The following COPZ1 variants were observed in gnomAD, a reference collection of about 807,000 sequenced individuals.
COPZ1 encodes the protein coat protein complex I subunit zeta 1.
A neutral mutation model predicts 31.7 loss-of-function variants in COPZ1; 4 were observed. The ratio of observed to expected loss-of-function variants is 0.13; its 90% CI spans 0.06 to 0.29. The LOEUF is 0.29. Ranked by LOEUF, COPZ1 falls within the 10% of genes least tolerant of loss-of-function variation. The probability of loss-of-function intolerance (pLI) is 1.00; values close to 1 mark genes in which losing one functional copy is unlikely to be tolerated. For synonymous variants in COPZ1, 74 were observed against 79.0 expected (o/e 0.94, Z 0.33); for missense variants, 156 against 211.5 (o/e 0.74, Z 1.63).
chr12:54,325,163 G>A lies in COPZ1; in HGVS notation c.-1G>A. 6.4e-7 allele frequency: 1 copy of A among 1,563,016 alleles called. No individual in the cohort carries two copies. Among genetic ancestry groups the A allele is most frequent in the Non-Finnish European group, 8.7e-7 (1 of 1,154,036 alleles). Reference sequence around the variant, plus strand: ...CACGTCGGCACCAGCTGCGGGGCAAGATGGAGGCGCTGATTTTGGTAGGAG... The same window carrying A: ...CACGTCGGCACCAGCTGCGGGGCAAAATGGAGGCGCTGATTTTGGTAGGAG... On this transcript the variant is annotated 5_prime_UTR_variant, in exon 1 of 9. Coordinates refer to ENST00000262061, the MANE Select transcript of COPZ1 (RefSeq NM_016057.3).
intron 7 of COPZ1, among the ~76,000 whole-genome samples, chr12:54,348,863 G>T (rs1954104380): frequency 6.6e-6 from 1 of 152,146 alleles, no homozygotes; most frequent in African/African-American, 2.4e-5. Context: ...TCAGAAAGGG[G>T]CCTCTGAGTT....
chr12:54,334,418 CA>C (rs904686721), intron 1 of COPZ1, among the ~76,000 whole-genome samples: 66 of 145,724 alleles, frequency 4.5e-4, no homozygotes, highest in Middle Eastern at 7.1e-3. Flanking sequence ...AACACTGTCT[CA>C]AAAAAAAAAA....
Position 54,326,961 on chromosome 12 carries a change from C to CTTTTTTTTTTTTT in COPZ1, c.18+1805_18+1817dup, listed in dbSNP as rs60827109. 5.5e-4 allele frequency among the ~76,000 whole-genome samples: 24 copies of CTTTTTTTTTTTTT among 43,566 alleles called. 9 individuals are homozygous for CTTTTTTTTTTTTT. Among genetic ancestry groups the CTTTTTTTTTTTTT allele is most frequent in the Non-Finnish European group, 1.0e-3 (23 of 22,526 alleles). The allele number at this position is 43,566 out of a possible 152,430, so 28.6% of individuals were successfully genotyped here. A position where few individuals can be genotyped will look rare whatever the true frequency, so the allele number is the denominator to read the frequency against. ...CTGTACCAAGCAGTTAACAAGTATT[C>CTTTTTTTTTTTTT]TTTTTTTTTTTTTTTTTTTTTTTTT... On this transcript the variant is annotated intron_variant, in intron 1 of 8. Transcript: ENST00000262061.
intron 2 of COPZ1, 27 bp from the exon 3 acceptor site, chr12:54,342,179 A>G: frequency 6.4e-7 from 1 of 1,569,172 alleles, no homozygotes; most frequent in South Asian, 1.1e-5. Context: ...CTAGTGACCC[A>G]ACCCTGTCTT....
At chr12:54,345,603 T>A in intron 5 of COPZ1, 88 bp downstream of exon 5, 1 of 1,040,692 alleles carries the variant, frequency 9.6e-7, no homozygotes. Flanking sequence ...AAAGTAACCA[T>A]TCTTCAGGCC....
intron 1 of COPZ1, among the ~76,000 whole-genome samples, chr12:54,330,381 C>T (rs754439200): frequency 2.6e-5 from 4 of 152,188 alleles, no homozygotes; most frequent in South Asian, 2.1e-4. Context: ...CTAAAACCCC[C>T]AAAGAGCAAT....
intron 5 of COPZ1, among the ~76,000 whole-genome samples, chr12:54,347,548 C>T (rs1334274138): frequency 2.6e-5 from 4 of 152,174 alleles, no homozygotes; most frequent in African/African-American, 9.7e-5. Flanking sequence ...CAGAAATTGA[C>T]TGTGTTATTT....
chr12:54,337,202 CTA>C (rs1221118469), intron 1 of COPZ1: 2 of 534,434 alleles, frequency 3.7e-6, no homozygotes, highest in South Asian at 2.8e-5. Flanking sequence ...AACAATCTGC[CTA>C]TACATCATTT....
chr12:54,342,340 A>AG, intron 3 of COPZ1, 53 bp downstream of exon 3: 2 of 1,317,846 alleles, frequency 1.5e-6, no homozygotes, highest in East Asian at 2.3e-5. Flanking sequence ...CATGGTGGAA[A>AG]GGGGGTGGTA....
chr12:54,347,745 T>G (rs751151961), intron 5 of COPZ1, 22 bp from the exon 6 acceptor site: 9 of 1,606,640 alleles, frequency 5.6e-6, no homozygotes, highest in Non-Finnish European at 5.9e-6. Context: ...GGTTATTCTC[T>G]TCTCTTCTCT....
intron 1 of COPZ1, among the ~76,000 whole-genome samples, chr12:54,337,032 A>G (rs1953882509): frequency 6.6e-6 from 1 of 150,738 alleles, no homozygotes; most frequent in South Asian, 2.1e-4. Flanking sequence ...AAAAAAAAAA[A>G]AAAAAAAAAA....
Position 54,326,124 on chromosome 12 carries a change from A to AATTATTATTATT in COPZ1, c.18+962_18+973dup, listed in dbSNP as rs377508362. On this transcript the variant is annotated intron_variant, in intron 1 of 8. Transcript: ENST00000262061. ...GCTTGAACCACCGCGCCTGGCCAGG[A>AATTATTATTATT]ATTATTATTATTATTATTATTATTA... is the stretch of plus-strand genomic sequence containing the variant. Among the ~76,000 whole-genome samples the AATTATTATTATT allele has an allele frequency of 3.1e-3, 427 of 139,166 alleles. 1 individual carries two copies. Among genetic ancestry groups the AATTATTATTATT allele is most frequent in the African/African-American group, 7.1e-3 (267 of 37,682 alleles). 91.3% of individuals were successfully genotyped at this position (139,166 alleles called of 152,430 possible). A position where few individuals can be genotyped will look rare whatever the true frequency, so the allele number is the denominator to read the frequency against.
At chr12:54,350,437 G>A (rs755132818) in intron 8 of COPZ1, 39 bp from the exon 9 acceptor site, 1 of 1,594,914 alleles carries the variant, frequency 6.3e-7, no homozygotes, top group Non-Finnish European at 8.6e-7. Flanking sequence ...ACCCTGCCCT[G>A]TCAGCAAGCT....
At chr12:54,350,433 C>T in intron 8 of COPZ1, 43 bp from the exon 9 acceptor site, 1 of 1,566,824 alleles carries the variant, frequency 6.4e-7, no homozygotes, top group East Asian at 2.2e-5. Context: ...CCTTACCCTG[C>T]CCTGTCAGCA....
Position 54,350,537 on chromosome 12 carries a change from C to G in COPZ1, c.*14C>G, listed in dbSNP as rs754079029. On this transcript the variant is annotated 3_prime_UTR_variant, in exon 9 of 9. Coordinates refer to ENST00000262061, the MANE Select transcript of COPZ1 (RefSeq NM_016057.3). ...CTCCTTCGGTGAAGACCTCACTGTT[C>G]CTGGCTCTTCATCCTCTTCAAAAAA... 4 of 1,611,326 alleles carry G rather than the reference C, an allele frequency of 2.5e-6. No individual in the cohort carries two copies. Among genetic ancestry groups the G allele is most frequent in the Non-Finnish European group, 3.4e-6 (4 of 1,177,450 alleles).
At chr12:54,331,946 C>T (rs758328039) in intron 1 of COPZ1, among the ~76,000 whole-genome samples, 1 of 152,184 alleles carries the variant, frequency 6.6e-6, no homozygotes, top group Non-Finnish European at 1.5e-5. Context: ...CTCTTCCCAG[C>T]AGTACTGCTT....
At chr12:54,328,603 T>G (rs1448130765) in intron 1 of COPZ1, among the ~76,000 whole-genome samples, 1 of 152,146 alleles carries the variant, frequency 6.6e-6, no homozygotes, top group Non-Finnish European at 1.5e-5. Context: ...CTGTCACATT[T>G]CTCTTCCCTT....
chr12:54,346,534 A>G, intron 5 of COPZ1: 1 of 671,350 alleles, frequency 1.5e-6, no homozygotes, highest in South Asian at 1.5e-5. Flanking sequence ...TGGCCTCCCA[A>G]AGTGCTGGGA....
At chr12:54,348,241 T>C (rs1954096799) in intron 7 of COPZ1, 190 bp downstream of exon 7, 1 of 597,974 alleles carries the variant, frequency 1.7e-6, no homozygotes, top group Non-Finnish European at 3.0e-6. Context: ...AGAAATAACT[T>C]ATTTCTACCC....
Sources: gnomAD v4.1 joint callset for allele counts (sites outside exome capture counted in the v4.1 genomes callset) on GRCh38, gnomAD v4.1.1 for gene constraint, MANE v1.5 for transcripts, NCBI Gene and HGNC (gene_info 2026-07-23, HGNC 2026-07-21) for gene names.